Variants in SLC24A3 observed in about 807,000 individuals in gnomAD.
SLC24A3 encodes sodium/potassium/calcium exchanger 3.
Under a neutral mutation model 75.8 loss-of-function variants are expected in SLC24A3, and 28 were observed. The observed-to-expected ratio is 0.37, with a 90% CI of 0.27 to 0.51. SLC24A3 has a LOEUF of 0.51. Ranked by LOEUF, SLC24A3 falls within the 20% of genes least tolerant of loss-of-function variation. The probability of loss-of-function intolerance (pLI) is 0.94; values close to 1 mark genes in which losing one functional copy is unlikely to be tolerated. For synonymous variants in SLC24A3, 372 were observed against 334.1 expected (o/e 1.11, Z -1.24); for missense variants, 663 against 847.8 (o/e 0.78, Z 2.71).
rs199772336 is a variant in SLC24A3 at position 19,673,681 on chromosome 20, C to T, written c.767+27C>T. Reference sequence around the variant, plus strand: ...TAAGTAAAATTTTTCATTTCTTATCCAAAACTGTTTCTTGCATTCCACATT... The same window carrying T: ...TAAGTAAAATTTTTCATTTCTTATCTAAAACTGTTTCTTGCATTCCACATT... On this transcript the variant is annotated intron_variant, in intron 9 of 16. Transcript: ENST00000328041. 57 of 1,588,440 alleles carry T rather than the reference C, an allele frequency of 3.6e-5. No individual in the cohort carries two copies. In the East Asian group the frequency reaches 1.2e-3, roughly 34 times the overall value.
intron 2 of SLC24A3, among the ~76,000 whole-genome samples, chr20:19,354,203 A>G (rs2122329265): frequency 6.6e-6 from 1 of 152,342 alleles, no homozygotes; most frequent in South Asian, 2.1e-4. Flanking sequence ...GCTGCAGTGT[A>G]AAAATAAAAT....
At chr20:19,462,334 A>G (rs898161809) in intron 2 of SLC24A3, among the ~76,000 whole-genome samples, 1 of 150,768 alleles carries the variant, frequency 6.6e-6, no homozygotes, top group Non-Finnish European at 1.5e-5. Context: ...ATCTCGGCTC[A>G]CTGCAAGCTC....
chr20:19,244,498 C>T (rs768764659), intron 1 of SLC24A3, among the ~76,000 whole-genome samples: 5 of 152,068 alleles, frequency 3.3e-5, no homozygotes, highest in African/African-American at 4.8e-5. Context: ...AAAGTCCCAG[C>T]GCTGGGCAAG....
rs1463452938 is a variant in SLC24A3 at position 19,533,031 on chromosome 20, A to G, written c.348+17467A>G. Among the ~76,000 whole-genome samples the G allele has an allele frequency of 5.3e-5, 8 of 152,344 alleles. No individual in the cohort carries two copies. The East Asian group carries it at 1.4e-3, about 26-fold the overall frequency. On this transcript the variant is annotated intron_variant, in intron 3 of 16. Coordinates refer to ENST00000328041, the MANE Select transcript of SLC24A3 (RefSeq NM_020689.4). ...ATTCTTCTTGGGCACAGCATGAGCT[A>G]CCTTTCTGGATATCTACTGCTGCAT... is the stretch of plus-strand genomic sequence containing the variant.
At chr20:19,383,946 G>A (rs6136699) in intron 2 of SLC24A3, among the ~76,000 whole-genome samples, 18,454 of 152,144 alleles carry the variant, frequency 0.12, 1,641 homozygotes, top group East Asian at 0.33. Context: ...TGTGAATTTG[G>A]GGAGGACACA....
intron 2 of SLC24A3, among the ~76,000 whole-genome samples, chr20:19,302,596 A>C (rs751716175): frequency 6.6e-6 from 1 of 152,250 alleles, no homozygotes; most frequent in Non-Finnish European, 1.5e-5. Flanking sequence ...AGAAGCAACC[A>C]TCATCTTTAT....
At chr20:19,713,435 G>A (rs768071634) in intron 15 of SLC24A3, among the ~76,000 whole-genome samples, 41 of 152,182 alleles carry the variant, frequency 2.7e-4, no homozygotes, top group Non-Finnish European at 5.1e-4. Flanking sequence ...GGCATCCGGG[G>A]TCTCTCTGCT....
intron 2 of SLC24A3, among the ~76,000 whole-genome samples, chr20:19,285,195 G>T (rs922575501): frequency 6.6e-6 from 1 of 152,124 alleles, no homozygotes; most frequent in African/African-American, 2.4e-5. Flanking sequence ...CAAAAAAATG[G>T]CACTGGGCGC....
intron 2 of SLC24A3, among the ~76,000 whole-genome samples, chr20:19,452,425 T>TGTGTGTGTGTGTGTGTG (rs56271347): frequency 1.2e-4 from 14 of 115,560 alleles, no homozygotes; most frequent in East Asian, 6.9e-4. Flanking sequence ...TGTGTGTGTG[T>TGTGTGTGTGTGTGTGTG]TGGGGAAGTA....
At chr20:19,333,557 A>G (rs1428913094) in intron 2 of SLC24A3, among the ~76,000 whole-genome samples, 1 of 151,926 alleles carries the variant, frequency 6.6e-6, no homozygotes, top group Non-Finnish European at 1.5e-5. Context: ...AAAAGAATAC[A>G]TTTTTGTGTG....
intron 2 of SLC24A3, among the ~76,000 whole-genome samples, chr20:19,286,127 G>A (rs898082463): frequency 3.3e-5 from 5 of 152,176 alleles, no homozygotes; most frequent in Non-Finnish European, 5.9e-5. Flanking sequence ...CTAAGGCCTC[G>A]AAAAGTGAAG....
chr20:19,268,774 C>T (rs1983241730), intron 1 of SLC24A3, among the ~76,000 whole-genome samples: 1 of 152,212 alleles, frequency 6.6e-6, no homozygotes, highest in Non-Finnish European at 1.5e-5. Context: ...AAGTCACTAT[C>T]ATTCTTTTGG....
chr20:19,388,396 T>C lies in SLC24A3; in HGVS notation c.271+107309T>C, dbSNP rs372928204. Among the ~76,000 whole-genome samples the C allele has an allele frequency of 3.4e-4, 52 of 152,346 alleles. No homozygotes were observed. In the East Asian group the frequency reaches 3.9e-3, roughly 11 times the overall value. On this transcript the variant is annotated intron_variant, in intron 2 of 16. Coordinates refer to ENST00000328041, the MANE Select transcript of SLC24A3 (RefSeq NM_020689.4). Reference sequence around the variant, plus strand: ...CTCTTGTGACAGTTTTTAACTTAAATTCTATTTTGTCTGATATAAGTATAG... The same window carrying C: ...CTCTTGTGACAGTTTTTAACTTAAACTCTATTTTGTCTGATATAAGTATAG...
intron 2 of SLC24A3, among the ~76,000 whole-genome samples, chr20:19,346,736 C>T (rs530256463): frequency 5.3e-5 from 8 of 152,132 alleles, no homozygotes; most frequent in South Asian, 2.1e-4. Flanking sequence ...ACATTGGATA[C>T]GGTGTACACT....
intron 3 of SLC24A3, among the ~76,000 whole-genome samples, chr20:19,550,267 G>C (rs1464437199): frequency 6.6e-6 from 1 of 151,146 alleles, no homozygotes; most frequent in Non-Finnish European, 1.5e-5. Context: ...ATTTCTTTTT[G>C]GCTCTTTAAA....
chr20:19,452,869 A>C (rs1444110545), intron 2 of SLC24A3, among the ~76,000 whole-genome samples: 1 of 151,988 alleles, frequency 6.6e-6, no homozygotes, highest in Non-Finnish European at 1.5e-5. Flanking sequence ...AATAATACTA[A>C]TAATAAATAA....
chr20:19,291,673 C>T (rs747417427), intron 2 of SLC24A3, among the ~76,000 whole-genome samples: 13 of 152,190 alleles, frequency 8.5e-5, no homozygotes, highest in Non-Finnish European at 1.6e-4. Flanking sequence ...TGACTCAGAA[C>T]AAAATGGATT....
intron 2 of SLC24A3, among the ~76,000 whole-genome samples, chr20:19,443,979 G>A (rs191067547): frequency 6.6e-6 from 1 of 152,298 alleles, no homozygotes; most frequent in African/African-American, 2.4e-5. Context: ...GTAGGCTTTT[G>A]ATAGGTGTTT....
chr20:19,435,379 A>G (rs565243164), intron 2 of SLC24A3, among the ~76,000 whole-genome samples: 2 of 152,382 alleles, frequency 1.3e-5, no homozygotes, highest in South Asian at 4.1e-4. Context: ...ACCAAACAAC[A>G]TAGAAAAGGA....
Sources: gnomAD v4.1 joint callset for allele counts (sites outside exome capture counted in the v4.1 genomes callset) on GRCh38, gnomAD v4.1.1 for gene constraint, MANE v1.5 for transcripts, NCBI Gene and HGNC (gene_info 2026-07-23, HGNC 2026-07-21) for gene names.